Variants in RANBP2 observed in about 807,000 individuals in gnomAD.
RANBP2 encodes the protein RAN binding protein 2.
RANBP2 carries 57 observed loss-of-function variants against 303.6 expected under a neutral mutation model. The observed-to-expected ratio is 0.19, with a 90% CI of 0.15 to 0.23. The LOEUF is 0.23. Ranked by LOEUF, RANBP2 falls within the 10% of genes least tolerant of loss-of-function variation. The pLI, the probability that RANBP2 is intolerant of heterozygous loss-of-function variation, is 1.00. For missense variants in RANBP2, 3,138 were observed against 3,780.8 expected (o/e 0.83, Z 4.46); for synonymous variants, 1,167 against 1,301.5 (o/e 0.90, Z 2.23).
At chr2:109,250,582 T>C in the RANBP2 span, among the ~76,000 whole-genome samples, 6 of 152,112 alleles carry the variant, frequency 3.9e-5, no homozygotes, top group East Asian at 1.2e-3. Context: ...CAGAAAAACC[T>C]TTAACAAAAT....
At chr2:109,344,617 C>T in the RANBP2 span, among the ~76,000 whole-genome samples, 16 of 152,302 alleles carry the variant, frequency 1.1e-4, no homozygotes, top group Middle Eastern at 3.4e-3. Flanking sequence ...GGCCAGGAGA[C>T]CACTGGAGGA....
the RANBP2 span, chr2:109,565,853 A>G: frequency 1.6e-4 from 254 of 1,614,010 alleles, no homozygotes; most frequent in African/African-American, 3.1e-3. Context: ...GCAAACGGCA[A>G]CTGTCCCTGA....
the RANBP2 span, chr2:108,897,331 T>C: frequency 8.4e-7 from 1 of 1,184,200 alleles, no homozygotes; most frequent in Non-Finnish European, 1.2e-6. Flanking sequence ...TTGAAAAAAA[T>C]TTTTTTAAAA....
chr2:108,830,740 A>G, the RANBP2 span, among the ~76,000 whole-genome samples: 1 of 152,032 alleles, frequency 6.6e-6, no homozygotes. Context: ...CCCAGGAGGC[A>G]GAGGTTGCAG....
the RANBP2 span, among the ~76,000 whole-genome samples, chr2:109,407,429 A>T: frequency 6.6e-6 from 1 of 152,182 alleles, no homozygotes; most frequent in Non-Finnish European, 1.5e-5. Flanking sequence ...ATTTGTCTCT[A>T]TGCAGCTTCC....
At chr2:109,328,862 A>AT in the RANBP2 span, among the ~76,000 whole-genome samples, 1 of 152,158 alleles carries the variant, frequency 6.6e-6, no homozygotes, top group African/African-American at 2.4e-5. Context: ...AGTGTCAAAT[A>AT]TATCCCTGGA....
the RANBP2 span, among the ~76,000 whole-genome samples, chr2:109,687,216 C>T: frequency 3.3e-5 from 5 of 152,118 alleles, no homozygotes; most frequent in Non-Finnish European, 7.3e-5. Flanking sequence ...TCAATGCACT[C>T]AATTAAGTGG....
the RANBP2 span, among the ~76,000 whole-genome samples, chr2:109,011,174 G>A: frequency 2.6e-5 from 4 of 152,148 alleles, no homozygotes; most frequent in African/African-American, 9.7e-5. Flanking sequence ...CATTTTCTGG[G>A]AAGCCCATGT....
chr2:109,467,169 C>T, the RANBP2 span, among the ~76,000 whole-genome samples: 4 of 152,378 alleles, frequency 2.6e-5, no homozygotes, highest in South Asian at 8.3e-4. Context: ...CAGGCCTACA[C>T]AAAGGCTCCT....
At chr2:108,824,837 C>T in the RANBP2 span, among the ~76,000 whole-genome samples, 1 of 151,874 alleles carries the variant, frequency 6.6e-6, no homozygotes, top group Non-Finnish European at 1.5e-5. Flanking sequence ...ACAGCTACAA[C>T]ATCACTAAGT....
chr2:109,747,383 T>C, the RANBP2 span, among the ~76,000 whole-genome samples: 1 of 145,812 alleles, frequency 6.9e-6, no homozygotes, highest in African/African-American at 2.6e-5. Context: ...GGTATAAAAT[T>C]AGTTTTCCTT....
At chr2:109,188,297 G>A in the RANBP2 span, among the ~76,000 whole-genome samples, 1 of 152,152 alleles carries the variant, frequency 6.6e-6, no homozygotes, top group South Asian at 2.1e-4. Context: ...GTGGGATCTG[G>A]GACACAGAAA....
At chr2:108,914,224 C>T in the RANBP2 span, among the ~76,000 whole-genome samples, 2 of 151,882 alleles carry the variant, frequency 1.3e-5, no homozygotes, top group African/African-American at 2.4e-5. Context: ...CACACCACTG[C>T]ACTCTAGCCT....
At chr2:109,227,854 C>T in the RANBP2 span, among the ~76,000 whole-genome samples, 1 of 152,182 alleles carries the variant, frequency 6.6e-6, no homozygotes, top group Non-Finnish European at 1.5e-5. Flanking sequence ...GCCCTTCGGT[C>T]GCTCCGCCTT....
the RANBP2 span, among the ~76,000 whole-genome samples, chr2:109,709,624 G>A: frequency 6.6e-6 from 1 of 152,228 alleles, no homozygotes; most frequent in Non-Finnish European, 1.5e-5. Flanking sequence ...ATGAAACAAG[G>A]TAATGCATGC....
chr2:109,170,296 T>C, the RANBP2 span, among the ~76,000 whole-genome samples: 1,021 of 110,938 alleles, frequency 9.2e-3, 31 homozygotes, highest in African/African-American at 0.033. Flanking sequence ...TCTCTTCTCT[T>C]CTCTTCTCTT....
the RANBP2 span, among the ~76,000 whole-genome samples, chr2:109,213,758 A>G: frequency 3.3e-5 from 5 of 152,174 alleles, no homozygotes; most frequent in African/African-American, 1.2e-4. Flanking sequence ...GGTTTTAAAT[A>G]GGAACGTGAC....
At chr2:108,730,051 G>A (rs1371660656) in intron 2 of RANBP2, among the ~76,000 whole-genome samples, 2 of 150,930 alleles carry the variant, frequency 1.3e-5, no homozygotes, top group African/African-American at 4.9e-5. Flanking sequence ...TCCAAAGGAA[G>A]ATGGAAATGC....
At chr2:108,742,853 A>G (rs1029675360) in intron 7 of RANBP2, among the ~76,000 whole-genome samples, 13 of 152,144 alleles carry the variant, frequency 8.5e-5, no homozygotes, top group African/African-American at 3.1e-4. Flanking sequence ...CAGTGGCACG[A>G]CCTCGGCTCA....
Sources: gnomAD v4.1 joint callset for allele counts (sites outside exome capture counted in the v4.1 genomes callset) on GRCh38, gnomAD v4.1.1 for gene constraint, MANE v1.5 for transcripts, NCBI Gene and HGNC (gene_info 2026-07-23, HGNC 2026-07-21) for gene names.